The following TIAM1 variants were observed in gnomAD, a reference collection of about 807,000 sequenced individuals.
TIAM1 encodes the protein rho guanine nucleotide exchange factor TIAM1.
TIAM1 carries 65 observed loss-of-function variants against 163.5 expected under a neutral mutation model. The observed-to-expected ratio is 0.40, with a 90% CI of 0.33 to 0.49. TIAM1 has a LOEUF of 0.49. Ranked by LOEUF, TIAM1 falls within the 20% of genes least tolerant of loss-of-function variation. TIAM1 has a pLI of 0.77. For missense variants in TIAM1, 1,789 were observed against 2,044.7 expected (o/e 0.87, Z 2.41); for synonymous variants, 833 against 810.1 (o/e 1.03, Z -0.48).
rs543569921 is a variant in TIAM1, at chr21:31,549,217, CTTAA to C, written c.-422+9706_-422+9709del. 7.5e-4 allele frequency among the ~76,000 whole-genome samples: 114 copies of C among 152,258 alleles called. 1 individual carries two copies. Among genetic ancestry groups the C allele is most frequent in the African/African-American group, 2.3e-3 (95 of 41,562 alleles). ...CTGTGTTCCTTTTCTTGATCTATAACTTAATTAGTCATGCCAGAAGTGTAGAAAA... is the reference window on the plus strand; with the variant it reads ...CTGTGTTCCTTTTCTTGATCTATAACTTAGTCATGCCAGAAGTGTAGAAAA... On this transcript the variant is annotated intron_variant, in intron 1 of 28. Transcript: ENST00000286827.
At chr21:31,556,222 A>C (rs187103604) in intron 1 of TIAM1, among the ~76,000 whole-genome samples, 1 of 152,344 alleles carries the variant, frequency 6.6e-6, no homozygotes, top group African/African-American at 2.4e-5. Flanking sequence ...TGAGAGTTCA[A>C]CTTTAAATAG....
intron 2 of TIAM1, among the ~76,000 whole-genome samples, chr21:31,323,107 G>A (rs148697344): frequency 6.6e-6 from 1 of 151,636 alleles, no homozygotes; most frequent in Non-Finnish European, 1.5e-5. Context: ...GGCCAACATG[G>A]TGAAACCCTG....
intron 2 of TIAM1, among the ~76,000 whole-genome samples, chr21:31,442,092 A>ATATAT (rs1555982243): frequency 5.0e-5 from 2 of 40,164 alleles, no homozygotes; most frequent in Non-Finnish European, 1.1e-4. Context: ...TATATAGAAC[A>ATATAT]ATAAGGGTAT....
intron 2 of TIAM1, among the ~76,000 whole-genome samples, chr21:31,431,506 A>G (rs1472099997): frequency 1.3e-5 from 2 of 152,202 alleles, no homozygotes; most frequent in African/African-American, 2.4e-5. Context: ...ACTTTTATTC[A>G]ATGTTGCATC....
At chr21:31,424,153 CTTCT>C (rs1300844478) in intron 2 of TIAM1, among the ~76,000 whole-genome samples, 2 of 152,274 alleles carry the variant, frequency 1.3e-5, no homozygotes, top group African/African-American at 2.4e-5. Context: ...GACGCATGGT[CTTCT>C]TTCTTTTTCA....
upstream of TIAM1, among the ~76,000 whole-genome samples, chr21:31,349,098 G>T (rs111528493): frequency 0.071 from 10,880 of 152,200 alleles, 549 homozygotes; most frequent in South Asian, 0.18. Flanking sequence ...ATGAATGTTC[G>T]ATTTAATTTT....
At chr21:31,369,810 AAACCCCG>A (rs2076564721) in intron 2 of TIAM1, among the ~76,000 whole-genome samples, 1 of 152,166 alleles carries the variant, frequency 6.6e-6, no homozygotes, top group Non-Finnish European at 1.5e-5. Context: ...CAACATGGTG[AAACCCCG>A]TCTCTACTAA....
chr21:31,444,735 A>G (rs778341469), intron 2 of TIAM1, among the ~76,000 whole-genome samples: 1 of 152,214 alleles, frequency 6.6e-6, no homozygotes, highest in Non-Finnish European at 1.5e-5. Context: ...GCGGTGGCTC[A>G]CGCCTGTAAT....
At chr21:31,546,791 T>C (rs980844278) in intron 1 of TIAM1, among the ~76,000 whole-genome samples, 3 of 152,216 alleles carry the variant, frequency 2.0e-5, no homozygotes, top group Non-Finnish European at 4.4e-5. Context: ...AAGTAACTTG[T>C]TGAAGCTTGA....
chr21:31,245,621 C>A lies in TIAM1; in HGVS notation c.1451G>T (p.Gly484Val). 1 of 1,592,986 alleles carries A rather than the reference C, an allele frequency of 6.3e-7. No individual in the cohort carries two copies. The highest frequency in any genetic ancestry group is 8.6e-7 in the Non-Finnish European group (1 of 1,169,504). Residue 484 changes from glycine (G) to valine (V), a missense_variant, in exon 6 of 28, where the codon GGG becomes GTG. Gly to Val is a moderately radical substitution (Grantham distance 109). Coordinates refer to ENST00000541036, the MANE Select transcript of TIAM1 (RefSeq NM_001353694.2). The part of the protein sequence containing the change: ...LFFYESDGRS[G>V]IDHNSIPKHA... ...TTTGGGGATGCTGTTGTGGTCTATCCCAGACCTGCCGTCGCTCTCGTAGAA... is the reference window on the plus strand; with the variant it reads ...TTTGGGGATGCTGTTGTGGTCTATCACAGACCTGCCGTCGCTCTCGTAGAA...
intron 1 of TIAM1, among the ~76,000 whole-genome samples, chr21:31,508,226 T>C (rs2047095314): frequency 6.6e-6 from 1 of 152,170 alleles, no homozygotes; most frequent in South Asian, 2.1e-4. Context: ...AGACTACATT[T>C]GCATTGCTTG....
intron 2 of TIAM1, among the ~76,000 whole-genome samples, chr21:31,391,709 C>G (rs1341293199): frequency 2.6e-5 from 4 of 152,178 alleles, no homozygotes; most frequent in African/African-American, 9.6e-5. Flanking sequence ...CCTGGACTTA[C>G]AACTTTTACA....
intron 2 of TIAM1, among the ~76,000 whole-genome samples, chr21:31,325,842 C>G (rs1312852248): frequency 6.6e-6 from 1 of 152,154 alleles, no homozygotes; most frequent in Non-Finnish European, 1.5e-5. Context: ...GAAGAACCCA[C>G]ACTTTTCAAT....
At position 31,467,812 on chromosome 21, in the gene TIAM1, G is replaced by A. The variant is rs56412767; in HGVS notation, c.-421-3777C>T. 1.8e-3 allele frequency among the ~76,000 whole-genome samples: 276 copies of A among 152,048 alleles called. 1 individual carries two copies. The highest frequency in any genetic ancestry group is 6.0e-3 in the African/African-American group (249 of 41,496). ...ATAAAAGTAAAAACAGGCCAGGTGC[G>A]GCAGCTCATGCCTGTAATCCTAGCA... is the stretch of plus-strand genomic sequence containing the variant. On this transcript the variant is annotated intron_variant, in intron 1 of 28. Coordinates refer to the TIAM1 transcript ENST00000286827.
At chr21:31,124,372 A>G in intron 27 of TIAM1, 150 bp downstream of exon 27, 1 of 1,150,650 alleles carries the variant, frequency 8.7e-7, no homozygotes, top group Non-Finnish European at 1.2e-6. Flanking sequence ...GGCAAGGGCA[A>G]GGAACCTCAC....
rs752519456 is a variant in TIAM1, at chr21:31,154,357, G to C, written c.3061C>G (p.Pro1021Ala). 3.1e-6 allele frequency: 5 copies of C among 1,614,066 alleles called. No homozygotes were observed. The highest frequency in any genetic ancestry group is 1.7e-5 in the Admixed American group (1 of 60,012). ...EMNPSDQSPS[P>A]QDSTGPQLAT... Reference sequence around the variant, plus strand: ...AGCTGAGGCCCCGTGGAGTCCTGAGGAGATGGGCTCTGGTCAGAGGGGTTC... The same window carrying C: ...AGCTGAGGCCCCGTGGAGTCCTGAGCAGATGGGCTCTGGTCAGAGGGGTTC... Residue 1021 changes from proline to alanine, a missense_variant, in exon 17 of 28, where the codon CCT (proline) becomes GCT (alanine). Coordinates refer to ENST00000541036, the MANE Select transcript of TIAM1 (RefSeq NM_001353694.2).
chr21:31,234,334 G>A (rs2088618960), intron 6 of TIAM1, among the ~76,000 whole-genome samples: 4 of 146,592 alleles, frequency 2.7e-5, no homozygotes, highest in Admixed American at 2.0e-4. Context: ...AAGGGAGGGA[G>A]GGAAGGAGGA....
chr21:31,464,617 T>G (rs1056864472), intron 1 of TIAM1, among the ~76,000 whole-genome samples: 38 of 142,282 alleles, frequency 2.7e-4, no homozygotes, highest in African/African-American at 1.0e-3. Context: ...CCGAGGTGGG[T>G]GGATCACTCG....
chr21:31,152,388 C>T (rs569326051), intron 19 of TIAM1, among the ~76,000 whole-genome samples: 83 of 152,322 alleles, frequency 5.4e-4, no homozygotes, highest in Non-Finnish European at 8.2e-4. Context: ...CCCACATAAA[C>T]CAAACAAAAG....
Sources: gnomAD v4.1 joint callset for allele counts (sites outside exome capture counted in the v4.1 genomes callset) on GRCh38, gnomAD v4.1.1 for gene constraint, MANE v1.5 for transcripts, NCBI Gene and HGNC (gene_info 2026-07-23, HGNC 2026-07-21) for gene names.